The following CCSER2 variants were observed in gnomAD, a reference collection of about 807,000 sequenced individuals.
CCSER2 encodes the protein coiled-coil serine rich protein 2.
Under a neutral mutation model 92.3 loss-of-function variants are expected in CCSER2, and 46 were observed. The observed-to-expected ratio is 0.50, with a 90% CI of 0.39 to 0.64. CCSER2 has a LOEUF of 0.64. CCSER2 is among the 30% of genes least tolerant of loss of function. The pLI, the probability that CCSER2 is intolerant of heterozygous loss-of-function variation, is 0.00. For missense variants in CCSER2, 1,244 were observed against 1,238.9 expected, an observed-to-expected ratio of 1.00 and a Z score of -0.06; for synonymous variants, 433 against 431.4, an observed-to-expected ratio of 1.00 and a Z score of -0.04.
At position 84,367,248 on chromosome 10, in the gene CCSER2, A is replaced by G. The variant is rs1213302746; in HGVS notation, c.-39-3766A>G. Among the ~76,000 whole-genome samples the G allele has an allele frequency of 5.3e-5, 8 of 151,668 alleles. No individual in the cohort carries two copies. The East Asian group carries it at 1.2e-3, about 22-fold the overall frequency. On this transcript the variant is annotated intron_variant, in intron 1 of 9. Coordinates refer to ENST00000372088, the MANE Select transcript of CCSER2 (RefSeq NM_001284240.2). ...CACCTTTATTTTAGGGATATTTTCT[A>G]TTATGTCCTCCTGCCTTTTCTCTTC...
At position 84,516,708 on chromosome 10, in the gene CCSER2, A is replaced by AT. The variant is rs1849608716; in HGVS notation, c.*2447dup. 6.6e-6 allele frequency: 1 copy of AT among 151,728 alleles called. No individual in the cohort carries two copies. The highest frequency in any genetic ancestry group is 2.4e-5 in the African/African-American group (1 of 41,278). 9.4% of individuals were successfully genotyped at this position (151,728 alleles called of 1,614,324 possible). A position where few individuals can be genotyped will look rare whatever the true frequency, so the allele number is the denominator to read the frequency against. ...TGACTCCAGTAATTTATTTTTCTCT[A>AT]TTTTTTCCTCCATGTATTTACTCCA... On this transcript the variant is annotated 3_prime_UTR_variant, in exon 10 of 10. Transcript: ENST00000372088.
chr10:84,498,064 A>G (rs889421953), intron 9 of CCSER2, among the ~76,000 whole-genome samples: 2 of 152,212 alleles, frequency 1.3e-5, no homozygotes, highest in Admixed American at 6.5e-5. Flanking sequence ...GGTCAGTGCT[A>G]TTTCCACAGA....
intron 6 of CCSER2, among the ~76,000 whole-genome samples, chr10:84,444,489 C>T (rs1324742093): frequency 2.0e-5 from 3 of 152,090 alleles, no homozygotes; most frequent in Non-Finnish European, 4.4e-5. Flanking sequence ...TGGCTTCACC[C>T]TCATAGCTGG....
intron 1 of CCSER2, among the ~76,000 whole-genome samples, chr10:84,335,993 C>T (rs1239821437): frequency 5.9e-5 from 9 of 152,026 alleles, no homozygotes; most frequent in Non-Finnish European, 1.2e-4. Flanking sequence ...CAGGGATGGC[C>T]ATCTTTCTGT....
intron 9 of CCSER2, among the ~76,000 whole-genome samples, chr10:84,486,946 T>G (rs887929420): frequency 6.6e-6 from 1 of 152,226 alleles, no homozygotes; most frequent in Non-Finnish European, 1.5e-5. Flanking sequence ...GGATCCAGTT[T>G]CAGCTTTCTA....
rs1281162543 is a variant in CCSER2, at chr10:84,515,337, A to C, written c.*1070A>C. 1 of 152,640 alleles carries C rather than the reference A, an allele frequency of 6.6e-6. No individual in the cohort carries two copies. Among genetic ancestry groups the C allele is most frequent in the East Asian group, 1.9e-4 (1 of 5,206 alleles). The allele number at this position is 152,640 out of a possible 1,614,324, so 9.5% of individuals were successfully genotyped here. On this transcript the variant is annotated 3_prime_UTR_variant, in exon 10 of 10. Transcript: ENST00000372088. ...AAACAAGTTAAAATATTTTGAGAAA[A>C]ATAACAAATTTAAATAAGACTATCT...
At chr10:84,422,610 C>T (rs1482043043) in intron 4 of CCSER2, among the ~76,000 whole-genome samples, 2 of 152,132 alleles carry the variant, frequency 1.3e-5, no homozygotes, top group Non-Finnish European at 2.9e-5. Context: ...TGGTTGTGAT[C>T]AGCACATTGG....
chr10:84,428,966 T>C (rs1216821743), intron 5 of CCSER2, among the ~76,000 whole-genome samples: 1 of 137,034 alleles, frequency 7.3e-6, no homozygotes, highest in East Asian at 2.1e-4. Flanking sequence ...TGTTGAAGAT[T>C]TTTTTTGTGT....
chr10:84,394,412 T>C (rs1160495473), intron 3 of CCSER2, among the ~76,000 whole-genome samples: 1 of 151,734 alleles, frequency 6.6e-6, no homozygotes, highest in Admixed American at 6.6e-5. Context: ...TGTGTGTGTG[T>C]GTGTGTGTGT....
At chr10:84,429,458 T>C (rs1408637859) in intron 5 of CCSER2, among the ~76,000 whole-genome samples, 1 of 152,124 alleles carries the variant, frequency 6.6e-6, no homozygotes, top group South Asian at 2.1e-4. Context: ...TCTTAATTTC[T>C]CTTTTATTTT....
In CCSER2 at chr10:84,378,407, T is replaced by A. The variant is rs537375138; in HGVS notation, c.1614+4592T>A. Among the ~76,000 whole-genome samples, 834 of 150,982 alleles carry A rather than the reference T, an allele frequency of 5.5e-3. 10 individuals carry two copies. Among genetic ancestry groups the A allele is most frequent in the African/African-American group, 0.019 (807 of 41,482 alleles). ...TAAACTAGATTTTCTAATTTTTATA[T>A]TTTAAAATTATTTTTTAAAATTAAA... On this transcript the variant is annotated intron_variant, in intron 3 of 9. Transcript: ENST00000372088.
At chr10:84,389,269 CTCTT>C in intron 3 of CCSER2, 1 of 506,042 alleles carries the variant, frequency 2.0e-6, no homozygotes, top group South Asian at 1.5e-5. Context: ...TCCCCAGGAT[CTCTT>C]TAATCGTTCC....
intron 1 of CCSER2, among the ~76,000 whole-genome samples, chr10:84,338,985 T>G (rs1262247986): frequency 1.3e-5 from 2 of 152,312 alleles, no homozygotes; most frequent in Non-Finnish European, 2.9e-5. Flanking sequence ...TTTTCTTCCC[T>G]TAGCCACTGA....
intron 1 of CCSER2, among the ~76,000 whole-genome samples, chr10:84,338,289 C>CT (rs1843955187): frequency 1.8e-4 from 12 of 64,992 alleles, no homozygotes; most frequent in Middle Eastern, 0.013. Context: ...CAAAGAAAAA[C>CT]TTAAAAAAAA....
intron 9 of CCSER2, among the ~76,000 whole-genome samples, chr10:84,482,279 G>A (rs1847503442): frequency 1.3e-5 from 2 of 152,098 alleles, no homozygotes; most frequent in South Asian, 2.1e-4. Context: ...CAAAATACCC[G>A]GATACAATGG....
At chr10:84,368,073 G>T (rs1221242404) in intron 1 of CCSER2, among the ~76,000 whole-genome samples, 2 of 152,110 alleles carry the variant, frequency 1.3e-5, no homozygotes, top group Admixed American at 1.3e-4. Context: ...TCAGTATAGG[G>T]ACTTAGAAGT....
chr10:84,400,772 G>T (rs952228244), intron 3 of CCSER2, among the ~76,000 whole-genome samples: 5 of 152,072 alleles, frequency 3.3e-5, no homozygotes, highest in African/African-American at 1.2e-4. Context: ...AAATTAGCCT[G>T]GTGTGGTGGC....
In CCSER2 at chr10:84,488,719, A is replaced by AT. The variant is rs565471839; in HGVS notation, c.2325+11061dup. On this transcript the variant is annotated intron_variant, in intron 9 of 9. Transcript: ENST00000372088. The stretch of plus-strand genomic sequence containing the variant: ...CTGGATTCATTGATTCTTTTGAAGG[A>AT]TTTTTTGTGTCTATTTCCTTCAGTT... Among the ~76,000 whole-genome samples the AT allele has an allele frequency of 4.6e-5, 7 of 151,920 alleles. No individual in the cohort carries two copies. In the South Asian group the frequency reaches 1.0e-3, roughly 23 times the overall value.
intron 6 of CCSER2, among the ~76,000 whole-genome samples, chr10:84,444,053 A>G (rs916386187): frequency 3.9e-5 from 6 of 152,118 alleles, no homozygotes; most frequent in African/African-American, 7.2e-5. Context: ...TGACAGGTCA[A>G]TGGGTGTAGC....
Sources: allele counts gnomAD v4.1 joint callset (sites outside exome capture counted in the v4.1 genomes callset), GRCh38; gene constraint gnomAD v4.1.1; transcripts MANE v1.5; gene names NCBI Gene and HGNC (gene_info 2026-07-23, HGNC 2026-07-21).